SPAG17: variants seen among roughly 807,000 people sequenced by gnomAD.
SPAG17 encodes sperm associated antigen 17.
A neutral mutation model predicts 273.6 loss-of-function variants in SPAG17; 169 were observed. The ratio of observed to expected loss-of-function variants is 0.62; its 90% confidence interval spans 0.55 to 0.70. SPAG17 has a LOEUF of 0.70. Among genes scored for constraint, SPAG17 ranks in the 30% least tolerant of loss-of-function variants. The pLI is 0.00. For synonymous variants in SPAG17, 825 were observed against 873.2 expected, an observed-to-expected ratio of 0.94 and a Z score of 0.97; for missense variants, 2,557 against 2,627.8, an observed-to-expected ratio of 0.97 and a Z score of 0.59.
chr1:118,175,795 T>G (rs907695171), intron 1 of SPAG17, among the ~76,000 whole-genome samples: 9 of 152,084 alleles, frequency 5.9e-5, no homozygotes, highest in African/African-American at 2.2e-4. Context: ...AACCCACTAG[T>G]AAAATTAAGT....
chr1:118,144,378 T>C (rs1658850468), intron 3 of SPAG17, among the ~76,000 whole-genome samples: 2 of 152,206 alleles, frequency 1.3e-5, no homozygotes, highest in Admixed American at 6.5e-5. Context: ...TAACTCTTCA[T>C]AGCCCTTTGT....
chr1:117,966,410 AT>A (rs1313715727), intron 47 of SPAG17, 198 bp downstream of exon 47: 3 of 468,888 alleles, frequency 6.4e-6, no homozygotes, highest in Non-Finnish European at 1.1e-5. Flanking sequence ...TACTGCACAT[AT>A]ACTATGTGTC....
At chr1:118,046,907 C>T (rs142857427) in intron 20 of SPAG17, among the ~76,000 whole-genome samples, 51 of 152,072 alleles carry the variant, frequency 3.4e-4, no homozygotes, top group African/African-American at 1.2e-3. Context: ...AAGAAAGGAT[C>T]ATAGAGAATA....
In SPAG17 at chr1:118,081,259, T is replaced by C. The variant is rs1010641272; in HGVS notation, c.2051A>G (p.Asp684Gly). The C allele has an allele frequency of 5.0e-6, 8 of 1,614,158 alleles. No homozygotes were observed. The highest frequency in any genetic ancestry group is 3.3e-4 in the Middle Eastern group (2 of 6,062). Residue 684 changes from aspartate (D) to glycine (G), a missense_variant, in exon 15 of 49, where the codon GAT becomes GGT. By Grantham distance (94) the Asp-to-Gly change is moderately conservative. Transcript: ENST00000336338. ...VDQNLSMSVQ[D>G]NESNREPSDP... ...TGAAGGTTCTCGGTTGCTTTCATTA[T>C]CTTGCACAGACATTGACAAATTCTG...
intron 23 of SPAG17, among the ~76,000 whole-genome samples, chr1:118,038,151 A>C (rs1374058411): frequency 2.0e-5 from 3 of 152,228 alleles, no homozygotes; most frequent in Admixed American, 1.3e-4. Context: ...ACCAAGGAAG[A>C]GATACAAATG....
intron 40 of SPAG17, among the ~76,000 whole-genome samples, chr1:117,987,002 G>C (rs1656490481): frequency 6.6e-6 from 1 of 152,144 alleles, no homozygotes; most frequent in Admixed American, 6.6e-5. Context: ...AGAGGAATCT[G>C]AGCAACAGAC....
chr1:118,028,036 G>A (rs1014331406), intron 26 of SPAG17, among the ~76,000 whole-genome samples: 2 of 152,098 alleles, frequency 1.3e-5, no homozygotes, highest in African/African-American at 2.4e-5. Context: ...CTGAAGCCTC[G>A]ATTTCCTTAT....
intron 1 of SPAG17, among the ~76,000 whole-genome samples, chr1:118,156,917 A>T (rs527577086): frequency 6.6e-6 from 1 of 152,116 alleles, no homozygotes; most frequent in South Asian, 2.1e-4. Flanking sequence ...GTGTGCTGTC[A>T]TGTTCCATAA....
chr1:118,156,127 T>C (rs995160804), intron 1 of SPAG17, among the ~76,000 whole-genome samples: 2 of 152,254 alleles, frequency 1.3e-5, no homozygotes, highest in African/African-American at 4.8e-5. Context: ...TCTCACACAA[T>C]TTATTATAAG....
chr1:118,151,296 GT>G lies in SPAG17; in HGVS notation c.160del (p.Thr54ProfsTer27). 1 of 1,613,630 alleles carries G rather than the reference GT, an allele frequency of 6.2e-7. No homozygotes were observed. Among genetic ancestry groups the G allele is most frequent in the Non-Finnish European group, 8.5e-7 (1 of 1,179,684 alleles). ...IEDDLLIQAL[T>X]VAVQVPQRKL... ...ACGCTGAGGGACCTGGACAGCCACG[GT>G]AAGGGCTTGGATGAGAAGATCATCT... On this transcript the variant is annotated frameshift_variant, in exon 2 of 49. Coordinates refer to ENST00000336338, the MANE Select transcript of SPAG17 (RefSeq NM_206996.4). LOFTEE classifies it high-confidence loss of function.
intron 3 of SPAG17, among the ~76,000 whole-genome samples, chr1:118,138,295 G>A (rs1316036365): frequency 6.6e-6 from 1 of 152,206 alleles, no homozygotes; most frequent in Non-Finnish European, 1.5e-5. Flanking sequence ...CAGAGACCAT[G>A]TCTAACTCAA....
At chr1:118,164,293 G>C (rs991143607) in intron 1 of SPAG17, among the ~76,000 whole-genome samples, 15 of 152,118 alleles carry the variant, frequency 9.9e-5, no homozygotes, top group Non-Finnish European at 1.8e-4. Context: ...CTCACAGTCA[G>C]CATGTCTAAA....
chr1:118,100,798 G>C (rs1656017285), intron 5 of SPAG17, among the ~76,000 whole-genome samples: 1 of 152,122 alleles, frequency 6.6e-6, no homozygotes, highest in Admixed American at 6.5e-5. Flanking sequence ...ACTTACAGCT[G>C]CCTAGGATGA....
chr1:117,997,351 T>C (rs17037790), intron 32 of SPAG17, among the ~76,000 whole-genome samples: 9,702 of 151,858 alleles, frequency 0.064, 516 homozygotes, highest in East Asian at 0.31. Flanking sequence ...GGTTTTGAGC[T>C]TTAAGTTTCT....
intron 47 of SPAG17, 180 bp downstream of exon 47, chr1:117,966,429 T>G (rs1282456521): frequency 5.8e-6 from 3 of 520,824 alleles, no homozygotes; most frequent in South Asian, 9.2e-5. Context: ...GTCAGGTATT[T>G]TTTTAGATTT....
At chr1:118,103,788 G>C (rs926576888) in intron 4 of SPAG17, among the ~76,000 whole-genome samples, 1 of 151,582 alleles carries the variant, frequency 6.6e-6, no homozygotes. Context: ...AGTGACATTT[G>C]AGCGAAGATC....
chr1:117,959,268 A>T (rs1335939927), intron 48 of SPAG17: 3 of 1,594,526 alleles, frequency 1.9e-6, no homozygotes, highest in Non-Finnish European at 2.6e-6. Flanking sequence ...AAAATTTTTT[A>T]ATATTTCTTG....
intron 47 of SPAG17, chr1:117,965,730 AT>A (rs1346361842): frequency 6.6e-6 from 1 of 152,234 alleles, no homozygotes; most frequent in Non-Finnish European, 1.5e-5. Flanking sequence ...TAATAAAGAT[AT>A]GCTGATCATG....
intron 13 of SPAG17, 91 bp from the exon 14 acceptor site, chr1:118,081,733 C>T (rs1654591082): frequency 9.2e-7 from 1 of 1,081,146 alleles, no homozygotes; most frequent in South Asian, 1.4e-5. Flanking sequence ...GTCTGTCTAC[C>T]AGAAAGACAA....
Sources: gnomAD v4.1 joint callset for allele counts (sites outside exome capture counted in the v4.1 genomes callset) on GRCh38, gnomAD v4.1.1 for gene constraint, MANE v1.5 for transcripts, NCBI Gene and HGNC (gene_info 2026-07-23, HGNC 2026-07-21) for gene names.